The following DCTN4 variants were observed in gnomAD, a reference collection of about 807,000 sequenced individuals.
DCTN4 encodes the protein dynactin subunit 4, also known as dynactin 4 (p62).
Under a neutral mutation model 62.7 loss-of-function variants are expected in DCTN4, and 23 were observed. That is an observed-to-expected ratio of 0.37 (90% CI 0.26 to 0.52). The LOEUF (loss-of-function observed/expected upper bound fraction) is 0.52. Ranked by LOEUF, DCTN4 falls within the 20% of genes least tolerant of loss-of-function variation. The pLI is 0.92. For synonymous variants in DCTN4, 199 were observed against 202.1 expected (o/e 0.98, Z 0.13); for missense variants, 514 against 580.4 (o/e 0.89, Z 1.18).
At chr5:150,731,261 G>T in intron 6 of DCTN4, 105 bp from the exon 7 acceptor site, 1 of 987,142 alleles carries the variant, frequency 1.0e-6, no homozygotes, top group South Asian at 1.4e-5. Flanking sequence ...GTATTCCTCT[G>T]TCATAGAATA....
chr5:150,754,890 G>C lies in DCTN4; in HGVS notation c.207-1233C>G, dbSNP rs763237366. On this transcript the variant is annotated intron_variant, in intron 2 of 12. Transcript: ENST00000447998. Reference sequence around the variant, plus strand: ...AGGTGGAAGGACTGCTTGAGCCTGGGAGGTTGAGGTTGCAGTGAGCCAAGA... The same window carrying C: ...AGGTGGAAGGACTGCTTGAGCCTGGCAGGTTGAGGTTGCAGTGAGCCAAGA... 4.0e-4 allele frequency among the ~76,000 whole-genome samples: 61 copies of C among 152,192 alleles called. No individual in the cohort carries two copies. The Middle Eastern group carries it at 0.014, about 34-fold the overall frequency.
rs1397564003 is a variant in DCTN4 at position 150,758,870 on chromosome 5, C to G, written c.124G>C (p.Val42Leu). The change falls in exon 1 of 13, where the codon GTG becomes CTG. Residue 42 changes from valine (V) to leucine (L), a missense_variant. Coordinates refer to ENST00000447998, the MANE Select transcript of DCTN4 (RefSeq NM_016221.4). ...YCSELRSLEC[V>L]SHEVDSHYCP... ...GGCGACTCTGTTACCTCGTGAGACA[C>G]ACATTCCAGCGACCGCAGTTCGCTA... is the stretch of plus-strand genomic sequence containing the variant. 6.2e-7 allele frequency: 1 copy of G among 1,613,946 alleles called. No individual in the cohort carries two copies. The highest frequency in any genetic ancestry group is 8.5e-7 in the Non-Finnish European group (1 of 1,180,000).
intron 5 of DCTN4, among the ~76,000 whole-genome samples, chr5:150,732,967 AG>A (rs1392441161): frequency 2.6e-5 from 4 of 152,224 alleles, no homozygotes; most frequent in Non-Finnish European, 4.4e-5. Context: ...ACTAAAGCTG[AG>A]AAACCACTAC....
intron 1 of DCTN4, chr5:150,758,595 T>C (rs1752948223): frequency 8.3e-7 from 1 of 1,210,244 alleles, no homozygotes; most frequent in Non-Finnish European, 1.0e-6. Context: ...CCAAGCCCCA[T>C]CGCAGACAGA....
At chr5:150,719,356 T>C (rs906227576) in intron 10 of DCTN4, among the ~76,000 whole-genome samples, 11 of 152,132 alleles carry the variant, frequency 7.2e-5, no homozygotes, top group Non-Finnish European at 1.3e-4. Context: ...AGGGCTGTGG[T>C]ATATAAATCT....
intron 3 of DCTN4, among the ~76,000 whole-genome samples, chr5:150,746,811 C>G (rs1177073934): frequency 6.6e-6 from 1 of 152,076 alleles, no homozygotes; most frequent in Non-Finnish European, 1.5e-5. Context: ...AGCTATCTAT[C>G]ACAAACCCAC....
chr5:150,731,803 T>C, intron 5 of DCTN4: 3 of 1,296,696 alleles, frequency 2.3e-6, no homozygotes, highest in Non-Finnish European at 3.3e-6. Flanking sequence ...GTGTCTAAGA[T>C]ACACAACAGA....
chr5:150,731,739 T>G, intron 5 of DCTN4: 4 of 748,178 alleles, frequency 5.3e-6, no homozygotes, highest in Non-Finnish European at 9.0e-6. Context: ...AATGTGAGCT[T>G]CTGCTAGTAA....
chr5:150,757,358 C>T (rs1027331678), intron 1 of DCTN4, among the ~76,000 whole-genome samples: 5 of 152,152 alleles, frequency 3.3e-5, no homozygotes, highest in African/African-American at 1.2e-4. Flanking sequence ...CCAAATTCTG[C>T]TTGTCCGTTC....
At chr5:150,727,099 A>G (rs1760174015) in intron 8 of DCTN4, among the ~76,000 whole-genome samples, 1 of 152,070 alleles carries the variant, frequency 6.6e-6, no homozygotes, top group African/African-American at 2.4e-5. Flanking sequence ...GGATTGGCCT[A>G]ACTAACCACT....
At chr5:150,755,478 A>G (rs1307447953) in intron 2 of DCTN4, 3 of 455,248 alleles carry the variant, frequency 6.6e-6, no homozygotes, top group Non-Finnish European at 1.3e-5. Flanking sequence ...ACCAACAGTG[A>G]CAAGTCATAA....
rs762124472 is a variant in DCTN4, at chr5:150,729,042, C to CCTTT, written c.834+1588_834+1589insAAAG. Among the ~76,000 whole-genome samples the CCTTT allele has an allele frequency of 7.9e-3, 412 of 52,156 alleles. 66 individuals carry two copies. Among genetic ancestry groups the CCTTT allele is most frequent in the East Asian group, 0.038 (73 of 1,932 alleles). 34.2% of individuals were successfully genotyped at this position (52,156 alleles called of 152,430 possible). A position where few individuals can be genotyped will look rare whatever the true frequency, so the allele number is the denominator to read the frequency against. On this transcript the variant is annotated intron_variant, in intron 8 of 12. Transcript: ENST00000447998. Reference sequence around the variant, plus strand: ...ACAAGTGTGTGAACCACCACACTGGCTTTTTTTTTTTTTTTTTTTTTTTTT... The same window carrying CCTTT: ...ACAAGTGTGTGAACCACCACACTGGCCTTTTTTTTTTTTTTTTTTTTTTTTTTTT...
intron 3 of DCTN4, among the ~76,000 whole-genome samples, chr5:150,745,717 G>A (rs1393238886): frequency 6.6e-6 from 1 of 152,068 alleles, no homozygotes; most frequent in African/African-American, 2.4e-5. Flanking sequence ...AATGAAGGCA[G>A]AAATAAAGAT....
chr5:150,717,911 T>G (rs12521328), intron 11 of DCTN4, among the ~76,000 whole-genome samples: 5,025 of 152,318 alleles, frequency 0.033, 116 homozygotes, highest in Middle Eastern at 0.075. Flanking sequence ...GCAGCTCTTA[T>G]GCTATGCCAA....
intron 4 of DCTN4, 119 bp from the exon 5 acceptor site, chr5:150,733,594 T>C: frequency 3.3e-6 from 2 of 609,778 alleles, no homozygotes; most frequent in Non-Finnish European, 5.3e-6. Flanking sequence ...GATGGGCAAG[T>C]TTGCCCTTTT....
intron 4 of DCTN4, among the ~76,000 whole-genome samples, chr5:150,739,180 C>CAAA (rs564417540): frequency 1.2e-4 from 9 of 75,170 alleles, no homozygotes; most frequent in Admixed American, 9.0e-4. Context: ...GATTTCATCT[C>CAAA]AAAAAAAAAA....
intron 3 of DCTN4, among the ~76,000 whole-genome samples, chr5:150,747,196 C>T (rs1301975660): frequency 1.3e-5 from 2 of 152,134 alleles, no homozygotes; most frequent in East Asian, 3.8e-4. Context: ...ACAATTGCTT[C>T]AAAGAGAATA....
At chr5:150,714,174 A>C (rs1038403867) in intron 12 of DCTN4, among the ~76,000 whole-genome samples, 1 of 152,170 alleles carries the variant, frequency 6.6e-6, no homozygotes, top group African/African-American at 2.4e-5. Flanking sequence ...ATTATTTTTC[A>C]GCTCCAAGCG....
intron 5 of DCTN4, among the ~76,000 whole-genome samples, chr5:150,732,726 C>T (rs1022881326): frequency 1.3e-5 from 2 of 152,258 alleles, no homozygotes; most frequent in Middle Eastern, 3.4e-3. Flanking sequence ...ACACAGAAAA[C>T]AAACTGTACT....
Sources: allele counts gnomAD v4.1 joint callset (sites outside exome capture counted in the v4.1 genomes callset), GRCh38; gene constraint gnomAD v4.1.1; transcripts MANE v1.5; gene names NCBI Gene and HGNC (gene_info 2026-07-23, HGNC 2026-07-21).